Variants in FRMD4A observed in about 807,000 individuals in gnomAD.
The protein encoded by FRMD4A is FERM domain-containing protein 4A.
A neutral mutation model predicts 129.1 loss-of-function variants in FRMD4A; 29 were observed. The ratio of observed to expected loss-of-function variants is 0.22; its 90% CI spans 0.17 to 0.31. The LOEUF is 0.31. Among genes scored for constraint, FRMD4A ranks in the 10% least tolerant of loss-of-function variants. FRMD4A has a pLI of 1.00. For synonymous variants in FRMD4A, 634 were observed against 571.6 expected (o/e 1.11, Z -1.56); for missense variants, 1,272 against 1,375.8 (o/e 0.92, Z 1.19).
At chr10:13,978,756 C>G (rs2095550749) in intron 2 of FRMD4A, among the ~76,000 whole-genome samples, 2 of 152,284 alleles carry the variant, frequency 1.3e-5, no homozygotes, top group Middle Eastern at 6.8e-3. Context: ...CTGTGTTCAT[C>G]TTGGGGACTG....
intron 2 of FRMD4A, among the ~76,000 whole-genome samples, chr10:14,210,547 A>T (rs961812909): frequency 1.3e-5 from 2 of 152,196 alleles, no homozygotes; most frequent in Admixed American, 6.5e-5. Context: ...TCAACCACAC[A>T]GCATGGACCT....
chr10:14,302,795 G>C (rs1260481874), intron 2 of FRMD4A, among the ~76,000 whole-genome samples: 1 of 152,190 alleles, frequency 6.6e-6, no homozygotes, highest in Non-Finnish European at 1.5e-5. Context: ...TGTGCATCCT[G>C]ACTGCTGATG....
chr10:13,997,621 TTTC>T (rs141606504), intron 2 of FRMD4A, among the ~76,000 whole-genome samples: 30,654 of 140,288 alleles, frequency 0.22, 3,799 homozygotes, highest in East Asian at 0.55. Context: ...TTTCTTTTCT[TTTC>T]TTTTTTTTTT....
chr10:13,978,700 A>G (rs2095550514), intron 2 of FRMD4A, among the ~76,000 whole-genome samples: 1 of 152,162 alleles, frequency 6.6e-6, no homozygotes, highest in Admixed American at 6.5e-5. Flanking sequence ...TCGTTTCTCA[A>G]CCTGAGAACC....
intron 3 of FRMD4A, among the ~76,000 whole-genome samples, chr10:13,812,805 C>T (rs950818878): frequency 1.3e-5 from 2 of 152,194 alleles, no homozygotes; most frequent in Non-Finnish European, 2.9e-5. Flanking sequence ...TAAATCAATA[C>T]CACCTCATAG....
intron 6 of FRMD4A, among the ~76,000 whole-genome samples, chr10:13,768,695 A>C (rs560486550): frequency 5.9e-5 from 9 of 152,264 alleles, no homozygotes; most frequent in African/African-American, 2.2e-4. Context: ...CTGTCCCCTG[A>C]AAGTCCCATA....
chr10:13,948,729 G>A (rs2095351030), intron 2 of FRMD4A, among the ~76,000 whole-genome samples: 1 of 144,984 alleles, frequency 6.9e-6, no homozygotes, highest in African/African-American at 2.6e-5. Context: ...TCGGCTCACT[G>A]CAACCTCCGC....
intron 14 of FRMD4A, among the ~76,000 whole-genome samples, chr10:13,695,704 T>C (rs948062199): frequency 4.6e-5 from 7 of 152,374 alleles, no homozygotes; most frequent in Non-Finnish European, 1.0e-4. Flanking sequence ...TTCACCATTG[T>C]AGCTTCCTGC....
chr10:13,933,446 C>A (rs2095220513), intron 2 of FRMD4A, among the ~76,000 whole-genome samples: 1 of 152,146 alleles, frequency 6.6e-6, no homozygotes. Context: ...TTCAATAAAT[C>A]CCTTCATTCC....
At chr10:13,746,877 G>A (rs1299450474) in intron 9 of FRMD4A, among the ~76,000 whole-genome samples, 1 of 152,168 alleles carries the variant, frequency 6.6e-6, no homozygotes, top group Non-Finnish European at 1.5e-5. Context: ...CACAACCTGG[G>A]AGTCTTTCAA....
At chr10:14,092,411 G>A (rs553573838) in intron 2 of FRMD4A, among the ~76,000 whole-genome samples, 7 of 152,354 alleles carry the variant, frequency 4.6e-5, no homozygotes, top group South Asian at 2.1e-4. Context: ...GGACTGGGCC[G>A]ACTGGGAGCC....
intron 2 of FRMD4A, among the ~76,000 whole-genome samples, chr10:13,922,943 C>A (rs1216771519): frequency 6.6e-6 from 1 of 152,116 alleles, no homozygotes; most frequent in Non-Finnish European, 1.5e-5. Context: ...GGATTATAAG[C>A]AACTGTGAGT....
intron 6 of FRMD4A, among the ~76,000 whole-genome samples, chr10:13,775,535 G>A (rs556121988): frequency 2.6e-5 from 4 of 152,118 alleles, no homozygotes; most frequent in South Asian, 2.1e-4. Context: ...TCCCATATGC[G>A]CTTTCTCTGG....
chr10:14,188,643 C>T (rs928224650), intron 2 of FRMD4A, among the ~76,000 whole-genome samples: 2 of 152,166 alleles, frequency 1.3e-5, no homozygotes, highest in Admixed American at 6.5e-5. Context: ...TCCTTGGCTG[C>T]GCACAGTAGC....
intron 2 of FRMD4A, among the ~76,000 whole-genome samples, chr10:13,911,162 A>G (rs998086082): frequency 1.3e-5 from 2 of 152,250 alleles, no homozygotes; most frequent in Admixed American, 6.5e-5. Flanking sequence ...AATAACATTA[A>G]TCATGAAGAG....
At chr10:13,882,814 T>G (rs1250375215) in intron 2 of FRMD4A, among the ~76,000 whole-genome samples, 2 of 151,668 alleles carry the variant, frequency 1.3e-5, no homozygotes, top group Admixed American at 6.6e-5. Context: ...TGGTTTTTTT[T>G]TTTTTTTTTG....
intron 6 of FRMD4A, among the ~76,000 whole-genome samples, chr10:13,777,761 CA>C (rs76595833): frequency 0.013 from 2,006 of 151,322 alleles, 84 homozygotes; most frequent in South Asian, 0.11. Context: ...TCCCTTTCCC[CA>C]AGCGTCTGCC....
At chr10:13,769,812 C>T (rs910188810) in intron 6 of FRMD4A, among the ~76,000 whole-genome samples, 3 of 151,908 alleles carry the variant, frequency 2.0e-5, no homozygotes, top group Non-Finnish European at 2.9e-5. Context: ...TCTTTTTGTC[C>T]CTTGCTTTTT....
At chr10:14,017,372 G>A (rs903982112) in intron 2 of FRMD4A, among the ~76,000 whole-genome samples, 2 of 152,156 alleles carry the variant, frequency 1.3e-5, no homozygotes, top group East Asian at 1.9e-4. Flanking sequence ...AGGGTAAACT[G>A]TGTAATTGCA....
Sources: gnomAD v4.1 joint callset for allele counts (sites outside exome capture counted in the v4.1 genomes callset) on GRCh38, gnomAD v4.1.1 for gene constraint, MANE v1.5 for transcripts, NCBI Gene and HGNC (gene_info 2026-07-23, HGNC 2026-07-21) for gene names.